DNASE1: variants seen among roughly 807,000 people sequenced by gnomAD.
DNASE1 encodes the protein deoxyribonuclease-1.
DNASE1 carries 40 observed loss-of-function variants against 33.9 expected under a neutral mutation model. That is an observed-to-expected ratio of 1.18 (90% CI 0.92 to 1.54). The LOEUF (loss-of-function observed/expected upper bound fraction) is 1.54. DNASE1 is among the 40% of genes most tolerant of loss of function. DNASE1 has a pLI of 0.00. For missense variants in DNASE1, 518 were observed against 372.6 expected, an observed-to-expected ratio of 1.39 and a Z score of -3.21; for synonymous variants, 216 against 160.0, an observed-to-expected ratio of 1.35 and a Z score of -2.64.
intron 1 of DNASE1, among the ~76,000 whole-genome samples, chr16:3,615,206 C>T (rs1567182920): frequency 6.6e-6 from 1 of 152,176 alleles, no homozygotes; most frequent in Non-Finnish European, 1.5e-5. Context: ...CCAGCACCAA[C>T]TGAACAAACA....
intron 1 of DNASE1, among the ~76,000 whole-genome samples, chr16:3,615,942 TTTATC>T (rs2041086745): frequency 6.6e-6 from 1 of 152,192 alleles, no homozygotes; most frequent in Non-Finnish European, 1.5e-5. Flanking sequence ...CTCCCTCTCC[TTTATC>T]TTGACAGGGG....
intron 1 of DNASE1, among the ~76,000 whole-genome samples, chr16:3,618,471 C>T (rs190991090): frequency 6.6e-6 from 1 of 152,162 alleles, no homozygotes; most frequent in Admixed American, 6.5e-5. Context: ...GGCTCACGCC[C>T]GTAATCCCAG....
chr16:3,662,583 C>A, downstream of DNASE1: 1 of 613,970 alleles, frequency 1.6e-6, no homozygotes, highest in Non-Finnish European at 3.0e-6. Flanking sequence ...GTAGCATGTC[C>A]CTTGTTTGGA....
chr16:3,648,835 CCATA>C (rs2042247966), intron 1 of DNASE1, among the ~76,000 whole-genome samples: 1 of 152,156 alleles, frequency 6.6e-6, no homozygotes, highest in Non-Finnish European at 1.5e-5. Flanking sequence ...GATCTAAGGT[CCATA>C]CATTTTGTTT....
rs77500313 is a variant in DNASE1, at chr16:3,616,297, T to C, written c.-1359+4291T>C. On this transcript the variant is annotated intron_variant and NMD_transcript_variant, in intron 1 of 11. Transcript: ENST00000570769. Reference sequence around the variant, plus strand: ...AAATCCCAACAACGTTTTAATTTTTTTGCAGAAGTGGAAAAACCGATGTTA... The same window carrying C: ...AAATCCCAACAACGTTTTAATTTTTCTGCAGAAGTGGAAAAACCGATGTTA... 3.6e-3 allele frequency among the ~76,000 whole-genome samples: 543 copies of C among 152,310 alleles called. 3 individuals are homozygous for C. Among genetic ancestry groups the C allele is most frequent in the African/African-American group, 0.012 (517 of 41,566 alleles).
downstream of DNASE1, chr16:3,661,663 C>G (rs370343948): frequency 3.4e-5 from 10 of 290,546 alleles, no homozygotes; most frequent in South Asian, 9.4e-4. Flanking sequence ...CAGCAAACAC[C>G]AAGATCCACG....
intron 1 of DNASE1, among the ~76,000 whole-genome samples, chr16:3,626,643 C>G (rs1003126941): frequency 2.0e-5 from 3 of 152,126 alleles, no homozygotes; most frequent in Admixed American, 6.5e-5. Context: ...TCAGTTAGAT[C>G]CAGTTGGTTG....
intron 1 of DNASE1, among the ~76,000 whole-genome samples, chr16:3,637,756 T>C (rs1159054415): frequency 6.6e-6 from 1 of 151,868 alleles, no homozygotes; most frequent in African/African-American, 2.4e-5. Context: ...ACTGTGAGAG[T>C]CTGGTAGGGC....
exon 10 of DNASE1, chr16:3,665,222 AAAC>A (rs2050802651): frequency 2.0e-5 from 3 of 152,234 alleles, no homozygotes; most frequent in Admixed American, 2.0e-4. Flanking sequence ...CGAAGTCGGC[AAAC>A]AACCAGAACA....
Position 3,657,361 on chromosome 16 carries a change from TAGGGCAGACTGAGGGCACCTCCA to T in DNASE1, c.704+28_704+50del, listed in dbSNP as rs752212557. The T allele has an allele frequency of 6.2e-7, 1 of 1,610,132 alleles. No individual in the cohort carries two copies. Among genetic ancestry groups the T allele is most frequent in the Non-Finnish European group, 8.5e-7 (1 of 1,179,454 alleles). On this transcript the variant is annotated intron_variant, in intron 7 of 8. Coordinates refer to ENST00000246949, the MANE Select transcript of DNASE1 (RefSeq NM_005223.4). ...TGACAGGTGAGCAGGGCCTCGCGCT[TAGGGCAGACTGAGGGCACCTCCA>T]AGGGCAGCCGTGACTCATAGGTCGG... is the stretch of plus-strand genomic sequence containing the variant.
At chr16:3,625,322 AAAAC>A (rs1247727776) in intron 1 of DNASE1, among the ~76,000 whole-genome samples, 1 of 151,824 alleles carries the variant, frequency 6.6e-6, no homozygotes, top group East Asian at 1.9e-4. Flanking sequence ...AAAAAACAAT[AAAAC>A]AAACTAATGG....
downstream of DNASE1, chr16:3,659,628 G>T (rs554709620): frequency 5.3e-5 from 8 of 152,208 alleles, no homozygotes; most frequent in African/African-American, 1.9e-4. Context: ...GGGCTCTGGG[G>T]AACTGTAAAT....
chr16:3,663,159 G>C (rs1701682771), exon 10 of DNASE1: 3 of 659,604 alleles, frequency 4.5e-6, no homozygotes, highest in Non-Finnish European at 5.1e-6. Flanking sequence ...ATACAACTTG[G>C]TTAGGGCTTT....
chr16:3,650,758 T>C (rs2042309542), upstream of DNASE1: 1 of 152,214 alleles, frequency 6.6e-6, no homozygotes, highest in African/African-American at 2.4e-5. Flanking sequence ...ATTTGTTTAG[T>C]CATGGGATGT....
intron 1 of DNASE1, among the ~76,000 whole-genome samples, chr16:3,644,907 T>C (rs1356585670): frequency 6.6e-6 from 1 of 151,576 alleles, no homozygotes; most frequent in Non-Finnish European, 1.5e-5. Context: ...GGCAGGCGGA[T>C]CACTTGGGCT....
chr16:3,648,488 A>C (rs997244045), intron 1 of DNASE1, among the ~76,000 whole-genome samples: 1 of 152,166 alleles, frequency 6.6e-6, no homozygotes, highest in Non-Finnish European at 1.5e-5. Context: ...CATGAACCCC[A>C]GAGGTGAAGC....
chr16:3,645,214 T>C (rs1395994358), intron 1 of DNASE1, among the ~76,000 whole-genome samples: 1 of 152,198 alleles, frequency 6.6e-6, no homozygotes, highest in East Asian at 1.9e-4. Flanking sequence ...GTGTGTCCTT[T>C]TCCTGGACCC....
downstream of DNASE1, chr16:3,658,624 G>T (rs1015764152): frequency 6.1e-6 from 4 of 657,264 alleles, no homozygotes; most frequent in Non-Finnish European, 1.0e-5. Context: ...AGTGAGCCAA[G>T]ATCGCGCCAC....
At chr16:3,647,279 T>C (rs2042202570) in intron 1 of DNASE1, among the ~76,000 whole-genome samples, 1 of 151,334 alleles carries the variant, frequency 6.6e-6, no homozygotes, top group African/African-American at 2.4e-5. Context: ...TTTTTTTTTT[T>C]TTTCTTTTTG....
Sources: allele counts gnomAD v4.1 joint callset (sites outside exome capture counted in the v4.1 genomes callset), GRCh38; gene constraint gnomAD v4.1.1; transcripts MANE v1.5; gene names NCBI Gene and HGNC (gene_info 2026-07-23, HGNC 2026-07-21).